Variants in ZFAT observed in about 807,000 individuals in gnomAD.
ZFAT encodes zinc finger and AT-hook domain containing, also known as zinc finger protein ZFAT.
In ZFAT, 64 loss-of-function variants were observed where a neutral mutation model predicts 117.7. That is an observed-to-expected ratio of 0.54 (90% CI 0.44 to 0.67). The LOEUF is 0.67. Ranked by LOEUF, ZFAT falls within the 30% of genes least tolerant of loss-of-function variation. ZFAT has a pLI of 0.00. For synonymous variants in ZFAT, 679 were observed against 615.0 expected (o/e 1.10, Z -1.54); for missense variants, 1,433 against 1,584.5 (o/e 0.90, Z 1.62).
chr8:134,669,333 T>C (rs1832428614), intron 1 of ZFAT, among the ~76,000 whole-genome samples: 2 of 151,778 alleles, frequency 1.3e-5, no homozygotes, highest in Admixed American at 6.6e-5. Context: ...AAGGAAAAAA[T>C]GTTAAGGGCA....
chr8:134,687,458 A>G (rs1833377563), intron 1 of ZFAT, among the ~76,000 whole-genome samples: 1 of 152,234 alleles, frequency 6.6e-6, no homozygotes, highest in Admixed American at 6.5e-5. Context: ...AGCACTCTCA[A>G]AATGAGAGCC....
the ZFAT span, among the ~76,000 whole-genome samples, chr8:134,718,480 G>A: frequency 1.3e-5 from 2 of 152,256 alleles, no homozygotes; most frequent in East Asian, 1.9e-4. Context: ...CTGGGCGACA[G>A]ATTAAGACCT....
intron 10 of ZFAT, among the ~76,000 whole-genome samples, chr8:134,578,142 T>C (rs1825447602): frequency 1.3e-5 from 2 of 152,066 alleles, no homozygotes; most frequent in African/African-American, 4.8e-5. Flanking sequence ...AGGCTGGGCA[T>C]GGCGGCTCAC....
At chr8:134,714,918 G>A (rs1814190764), upstream of ZFAT, among the ~76,000 whole-genome samples, 1 of 152,094 alleles carries the variant, frequency 6.6e-6, no homozygotes, top group Admixed American at 6.6e-5. Context: ...CAGCCACCAC[G>A]TCCTCCACCA....
chr8:134,782,347 A>T, the ZFAT span, among the ~76,000 whole-genome samples: 1 of 152,182 alleles, frequency 6.6e-6, no homozygotes, highest in East Asian at 1.9e-4. Flanking sequence ...ATCAAATTTC[A>T]AGTTTCCACC....
intron 3 of ZFAT, among the ~76,000 whole-genome samples, chr8:134,613,976 G>A (rs137916290): frequency 3.7e-4 from 56 of 152,266 alleles, no homozygotes; most frequent in Middle Eastern, 3.4e-3. Context: ...CTTGTTACAC[G>A]AGAGAACATT....
the ZFAT span, among the ~76,000 whole-genome samples, chr8:134,743,980 G>T: frequency 6.6e-6 from 1 of 152,192 alleles, no homozygotes; most frequent in African/African-American, 2.4e-5. Context: ...CAGGTTTCTT[G>T]CTCCTCCGTT....
rs569034032 is a variant in ZFAT, at chr8:134,562,464, A to G, written c.2976+2869T>C. Among the ~76,000 whole-genome samples the G allele has an allele frequency of 2.0e-5, 3 of 152,370 alleles. No homozygotes were observed. In the South Asian group the frequency reaches 6.2e-4, roughly 32 times the overall value. On this transcript the variant is annotated intron_variant, in intron 11 of 15. Coordinates refer to ENST00000377838, the MANE Select transcript of ZFAT (RefSeq NM_020863.4). ...ATCACTATTTGGATGAGGGGTTGGCATGAAGCAATTTCATTTTGTTTGTCA... is the reference window on the plus strand; with the variant it reads ...ATCACTATTTGGATGAGGGGTTGGCGTGAAGCAATTTCATTTTGTTTGTCA...
chr8:134,817,002 A>G, the ZFAT span, among the ~76,000 whole-genome samples: 4 of 151,850 alleles, frequency 2.6e-5, no homozygotes, highest in Non-Finnish European at 5.9e-5. Flanking sequence ...AAAAAAGTAT[A>G]CCATTTACAA....
intron 10 of ZFAT, among the ~76,000 whole-genome samples, chr8:134,574,077 C>G (rs1389379237): frequency 2.6e-5 from 4 of 152,222 alleles, no homozygotes; most frequent in Admixed American, 2.6e-4. Flanking sequence ...TGTGACCGAC[C>G]AAACCTACGA....
rs142401663 is a variant in ZFAT at position 134,622,831 on chromosome 8, T to C, written c.449-12176A>G. 4.6e-3 allele frequency among the ~76,000 whole-genome samples: 702 copies of C among 152,200 alleles called. 4 individuals carry two copies. The highest frequency in any genetic ancestry group is 0.016 in the African/African-American group (647 of 41,516). On this transcript the variant is annotated intron_variant, in intron 3 of 15. Transcript: ENST00000377838. ...GCCAGGTTATCACAGGCTGACCTCA[T>C]CCTCTACCAAAGGCCACAGCTCTCT... is the stretch of plus-strand genomic sequence containing the variant.
At chr8:134,529,043 T>C (rs1432176565) in intron 12 of ZFAT, among the ~76,000 whole-genome samples, 3 of 152,238 alleles carry the variant, frequency 2.0e-5, no homozygotes, top group Non-Finnish European at 4.4e-5. Flanking sequence ...GCAACTGCTG[T>C]GGAGGTAGGT....
upstream of ZFAT, among the ~76,000 whole-genome samples, chr8:134,714,798 T>G (rs1182632258): frequency 2.8e-5 from 2 of 71,520 alleles, no homozygotes; most frequent in African/African-American, 1.1e-4. Flanking sequence ...CGCCTCTCCA[T>G]GCCCAGTGTT....
intron 11 of ZFAT, 145 bp from the exon 12 acceptor site, chr8:134,533,117 T>C: frequency 1.6e-6 from 2 of 1,285,218 alleles, no homozygotes; most frequent in African/African-American, 1.5e-5. Flanking sequence ...GGAAAACCAC[T>C]AGGGCAGGAA....
At chr8:134,623,063 A>G (rs1011672351) in intron 3 of ZFAT, among the ~76,000 whole-genome samples, 104 of 152,036 alleles carry the variant, frequency 6.8e-4, no homozygotes, top group African/African-American at 2.4e-3. Context: ...CCCCCAGGCC[A>G]TCCTCTTAGT....
At chr8:134,535,303 C>T in intron 11 of ZFAT, among the ~76,000 whole-genome samples, 1 of 152,176 alleles carries the variant, frequency 6.6e-6, no homozygotes, top group Admixed American at 6.5e-5. Flanking sequence ...CAGGTATCTC[C>T]ACAGGGATGT....
chr8:134,783,422 A>C, the ZFAT span, among the ~76,000 whole-genome samples: 15 of 152,258 alleles, frequency 9.9e-5, no homozygotes, highest in African/African-American at 3.4e-4. Context: ...CCTTATGAGA[A>C]TCTAACGCCT....
intron 11 of ZFAT, among the ~76,000 whole-genome samples, chr8:134,546,276 G>A (rs1287230533): frequency 6.6e-6 from 1 of 152,194 alleles, no homozygotes; most frequent in Non-Finnish European, 1.5e-5. Flanking sequence ...TACCCAGGTG[G>A]AGAGATGGTC....
At chr8:134,550,087 T>C (rs948789536) in intron 11 of ZFAT, among the ~76,000 whole-genome samples, 1 of 152,132 alleles carries the variant, frequency 6.6e-6, no homozygotes. Flanking sequence ...CCTTCTCCTT[T>C]TCCCAGTGGC....
Sources: gnomAD v4.1 joint callset for allele counts (sites outside exome capture counted in the v4.1 genomes callset) on GRCh38, gnomAD v4.1.1 for gene constraint, MANE v1.5 for transcripts, NCBI Gene and HGNC (gene_info 2026-07-23, HGNC 2026-07-21) for gene names.